NKAIN3: variants seen among roughly 807,000 people sequenced by gnomAD.
NKAIN3 encodes the protein sodium/potassium transporting ATPase interacting 3.
NKAIN3 carries 25 observed loss-of-function variants against 30.2 expected under a neutral mutation model. That is an observed-to-expected ratio of 0.83 (90% CI 0.60 to 1.16). The LOEUF is 1.16. Among genes scored for constraint, NKAIN3 ranks in the 50% most tolerant of loss-of-function variants. NKAIN3 has a pLI of 0.00. For synonymous variants in NKAIN3, 91 were observed against 89.6 expected (o/e 1.02, Z -0.09); for missense variants, 225 against 254.1 (o/e 0.89, Z 0.78).
At chr8:62,620,993 G>A (rs897300493) in intron 3 of NKAIN3, among the ~76,000 whole-genome samples, 25 of 152,142 alleles carry the variant, frequency 1.6e-4, no homozygotes, top group Non-Finnish European at 3.5e-4. Context: ...AAAAGTGGCT[G>A]AAACTAAGAG....
At chr8:62,288,113 T>A in intron 1 of NKAIN3, among the ~76,000 whole-genome samples, 1 of 152,206 alleles carries the variant, frequency 6.6e-6, no homozygotes, top group East Asian at 1.9e-4. Flanking sequence ...GCCTTGTGCT[T>A]CTACAGTGCC....
At position 62,258,127 on chromosome 8, in the gene NKAIN3, G is replaced by A. The variant is rs113958380; in HGVS notation, c.54+9000G>A. ...TCTCTAGGATTGGAACAGTTATCCA[G>A]ATTATATAAGAAAGGAATTTCAAAT... On this transcript the variant is annotated intron_variant, in intron 1 of 6. Transcript: ENST00000623646. 4.9e-3 allele frequency among the ~76,000 whole-genome samples: 747 copies of A among 152,124 alleles called. 8 individuals are homozygous for A. Among genetic ancestry groups the A allele is most frequent in the African/African-American group, 0.017 (718 of 41,496 alleles).
chr8:62,863,949 C>T (rs760957958), intron 4 of NKAIN3: 8 of 927,116 alleles, frequency 8.6e-6, no homozygotes, highest in South Asian at 1.3e-5. Context: ...CCAAAGGTGG[C>T]GGTGGTGGTG....
At chr8:62,353,989 G>T (rs1816267640) in intron 1 of NKAIN3, among the ~76,000 whole-genome samples, 1 of 152,126 alleles carries the variant, frequency 6.6e-6, no homozygotes, top group South Asian at 2.1e-4. Flanking sequence ...TGAGGAGAAG[G>T]GTTGATTATA....
intron 1 of NKAIN3, among the ~76,000 whole-genome samples, chr8:62,347,222 TATGAATG>T (rs1231838976): frequency 6.6e-6 from 1 of 152,130 alleles, no homozygotes; most frequent in Non-Finnish European, 1.5e-5. Context: ...ATTACACTTC[TATGAATG>T]AAGATAGGAG....
intron 4 of NKAIN3, among the ~76,000 whole-genome samples, chr8:62,843,372 G>A (rs1297701978): frequency 2.0e-5 from 3 of 150,268 alleles, no homozygotes; most frequent in Admixed American, 1.3e-4. Flanking sequence ...AGTCTCATTC[G>A]GTCACCTAGG....
intron 4 of NKAIN3, among the ~76,000 whole-genome samples, chr8:62,809,811 T>C (rs1818431296): frequency 6.6e-6 from 1 of 152,220 alleles, no homozygotes; most frequent in African/African-American, 2.4e-5. Context: ...AATTTACTTT[T>C]GATCACACAG....
intron 1 of NKAIN3, among the ~76,000 whole-genome samples, chr8:62,555,039 C>CACACACAT (rs1809343184): frequency 7.6e-6 from 1 of 131,860 alleles, no homozygotes; most frequent in East Asian, 1.9e-4. Flanking sequence ...CACACACACA[C>CACACACAT]ACACACACAC....
At chr8:62,759,078 A>G (rs764159822) in intron 4 of NKAIN3, among the ~76,000 whole-genome samples, 1 of 150,330 alleles carries the variant, frequency 6.7e-6, no homozygotes, top group Non-Finnish European at 1.5e-5. Context: ...CAATGAAAAC[A>G]CAAAGTAATC....
intron 3 of NKAIN3, among the ~76,000 whole-genome samples, chr8:62,683,702 C>G (rs1346481545): frequency 6.6e-6 from 1 of 152,134 alleles, no homozygotes; most frequent in Non-Finnish European, 1.5e-5. Flanking sequence ...ATCTCATAAG[C>G]ATTTCATAAC....
intron 3 of NKAIN3, among the ~76,000 whole-genome samples, chr8:62,637,227 G>A (rs1473126124): frequency 6.6e-6 from 1 of 152,144 alleles, no homozygotes; most frequent in Non-Finnish European, 1.5e-5. Context: ...CATCTTTGAA[G>A]AACATCCCTG....
intron 6 of NKAIN3, among the ~76,000 whole-genome samples, chr8:62,962,787 G>T (rs909670091): frequency 6.6e-6 from 1 of 152,204 alleles, no homozygotes; most frequent in Non-Finnish European, 1.5e-5. Context: ...AGGCTGTGGG[G>T]GGTGCTAGTT....
intron 1 of NKAIN3, among the ~76,000 whole-genome samples, chr8:62,524,202 A>C (rs1808234713): frequency 6.7e-6 from 1 of 150,360 alleles, no homozygotes; most frequent in South Asian, 2.1e-4. Context: ...AAAGTTCACC[A>C]GGCTAAGTCC....
At chr8:62,403,103 C>T (rs922352224) in intron 1 of NKAIN3, among the ~76,000 whole-genome samples, 14 of 152,156 alleles carry the variant, frequency 9.2e-5, no homozygotes, top group African/African-American at 3.1e-4. Flanking sequence ...GTAAAAGTCA[C>T]TCTTGCTCTT....
intron 1 of NKAIN3, among the ~76,000 whole-genome samples, chr8:62,350,360 C>G (rs932084463): frequency 6.6e-6 from 1 of 152,018 alleles, no homozygotes; most frequent in African/African-American, 2.4e-5. Flanking sequence ...TGAAATAAGC[C>G]AGACACAAAA....
In NKAIN3 at chr8:62,256,248, A is replaced by C. The variant is rs182366432; in HGVS notation, c.54+7121A>C. On this transcript the variant is annotated intron_variant, in intron 1 of 6. Coordinates refer to ENST00000623646, the MANE Select transcript of NKAIN3 (RefSeq NM_001304533.3). Reference sequence around the variant, plus strand: ...GGCAACAAAGTGAGACCCTGTCTCTATAAAAAAAAAATTTAAAAAAAAATA... The same window carrying C: ...GGCAACAAAGTGAGACCCTGTCTCTCTAAAAAAAAAATTTAAAAAAAAATA... 6.8e-3 allele frequency among the ~76,000 whole-genome samples: 1,028 copies of C among 152,032 alleles called. 11 individuals carry two copies. The highest frequency in any genetic ancestry group is 0.037 in the Middle Eastern group (11 of 294).
At chr8:62,758,362 A>G (rs1383413156) in intron 4 of NKAIN3, among the ~76,000 whole-genome samples, 4 of 152,130 alleles carry the variant, frequency 2.6e-5, no homozygotes, top group Non-Finnish European at 5.9e-5. Context: ...GTCAATGTTA[A>G]TTTCCTGGTT....
chr8:62,369,228 G>A (rs1816832176), intron 1 of NKAIN3, among the ~76,000 whole-genome samples: 1 of 152,000 alleles, frequency 6.6e-6, no homozygotes. Flanking sequence ...TGTTGTTTTT[G>A]TGGCAAGCCC....
intron 4 of NKAIN3, among the ~76,000 whole-genome samples, chr8:62,769,560 A>G (rs1816952532): frequency 6.6e-6 from 1 of 152,224 alleles, no homozygotes; most frequent in South Asian, 2.1e-4. Flanking sequence ...AAAATTGTTG[A>G]TCAGTGAGTT....
Sources: allele counts gnomAD v4.1 joint callset (sites outside exome capture counted in the v4.1 genomes callset), GRCh38; gene constraint gnomAD v4.1.1; transcripts MANE v1.5; gene names NCBI Gene and HGNC (gene_info 2026-07-23, HGNC 2026-07-21).